The following GTF2F2 variants were observed in gnomAD, a reference collection of about 807,000 sequenced individuals.
GTF2F2 encodes the protein ATP-dependent helicase GTF2F2.
Under a neutral mutation model 42.2 loss-of-function variants are expected in GTF2F2, and 23 were observed. That is an observed-to-expected ratio of 0.55 (90% CI 0.39 to 0.77). GTF2F2 has a LOEUF of 0.77. Ranked by LOEUF, GTF2F2 falls within the 30% of genes least tolerant of loss-of-function variation. The pLI is 0.00. For synonymous variants in GTF2F2, 105 were observed against 100.8 expected, an observed-to-expected ratio of 1.04 and a Z score of -0.25; for missense variants, 261 against 287.2, an observed-to-expected ratio of 0.91 and a Z score of 0.66.
intron 4 of GTF2F2, chr13:45,194,596 T>A: frequency 6.3e-7 from 1 of 1,580,404 alleles, no homozygotes; most frequent in Non-Finnish European, 8.6e-7. Flanking sequence ...CAGCTTGTTC[T>A]TCTTGGCTTT....
rs529329059 is a variant in GTF2F2, at chr13:45,120,933, T to C, written c.66+212T>C. ...AAAGTGTCTTTCAGCCAGTTACTAC[T>C]CTGAATCTGCCTGGACTAGATCTCT... On this transcript the variant is annotated intron_variant, in intron 1 of 7. Coordinates refer to ENST00000340473, the MANE Select transcript of GTF2F2 (RefSeq NM_004128.3). Among the ~76,000 whole-genome samples the C allele has an allele frequency of 3.3e-5, 5 of 152,334 alleles. No homozygotes were observed. The South Asian group carries it at 8.3e-4, about 25-fold the overall frequency.
chr13:45,131,507 A>C (rs997981831), intron 1 of GTF2F2, among the ~76,000 whole-genome samples: 1 of 152,196 alleles, frequency 6.6e-6, no homozygotes, highest in African/African-American at 2.4e-5. Context: ...GTTTCAGTGG[A>C]GTGGCAGGGA....
chr13:45,193,028 A>G (rs981264444), intron 4 of GTF2F2: 1 of 152,200 alleles, frequency 6.6e-6, no homozygotes, highest in Non-Finnish European at 1.5e-5. Context: ...ATTTTATGCA[A>G]AATCATCAAG....
At position 45,120,524 on chromosome 13, in the gene GTF2F2, T is replaced by C. The variant is rs930621190; in HGVS notation, c.-132T>C. ...TTCCTCTTTTCCTCGGTTCCCAGTG[T>C]TCTGGCAGGTAAGGAACGCCGGCTC... On this transcript the variant is annotated 5_prime_UTR_variant, in exon 1 of 8. Transcript: ENST00000340473. The C allele has an allele frequency of 6.0e-6, 4 of 661,626 alleles. No individual in the cohort carries two copies. Among genetic ancestry groups the C allele is most frequent in the Non-Finnish European group, 1.1e-5 (4 of 370,000 alleles). The allele number at this position is 661,626 out of a possible 1,614,324, so 41.0% of individuals were successfully genotyped here. A position where few individuals can be genotyped will look rare whatever the true frequency, so the allele number is the denominator to read the frequency against.
At chr13:45,165,571 C>CA (rs1871252462) in intron 4 of GTF2F2, among the ~76,000 whole-genome samples, 1 of 150,496 alleles carries the variant, frequency 6.6e-6, no homozygotes, top group African/African-American at 2.5e-5. Context: ...GCCCTCGCCC[C>CA]CCCCCGCCGC....
At chr13:45,234,515 A>G (rs1485347505) in intron 5 of GTF2F2, among the ~76,000 whole-genome samples, 1 of 152,230 alleles carries the variant, frequency 6.6e-6, no homozygotes, top group Non-Finnish European at 1.5e-5. Flanking sequence ...ATATTTAGGA[A>G]AAAAACTGGC....
intron 2 of GTF2F2, among the ~76,000 whole-genome samples, chr13:45,147,242 T>G (rs1187124975): frequency 2.0e-5 from 3 of 152,232 alleles, no homozygotes; most frequent in Non-Finnish European, 4.4e-5. Flanking sequence ...TGACCTGCTA[T>G]GTATCTCTTC....
chr13:45,171,383 G>A (rs901742895), intron 4 of GTF2F2, among the ~76,000 whole-genome samples: 10 of 151,982 alleles, frequency 6.6e-5, no homozygotes, highest in Admixed American at 2.0e-4. Context: ...ACCATATCTT[G>A]ACTTTAATTC....
chr13:45,223,949 A>C (rs1874223294), intron 5 of GTF2F2, among the ~76,000 whole-genome samples: 1 of 152,232 alleles, frequency 6.6e-6, no homozygotes. Flanking sequence ...AACTCCTTTA[A>C]AAGTTTGTAA....
intron 7 of GTF2F2, among the ~76,000 whole-genome samples, chr13:45,267,759 T>G (rs2138265091): frequency 6.6e-6 from 1 of 152,094 alleles, no homozygotes; most frequent in Non-Finnish European, 1.5e-5. Flanking sequence ...AATTATACTG[T>G]TTTGTCATTG....
intron 5 of GTF2F2, among the ~76,000 whole-genome samples, chr13:45,237,437 A>G (rs1234752108): frequency 6.6e-6 from 1 of 152,180 alleles, no homozygotes; most frequent in Non-Finnish European, 1.5e-5. Flanking sequence ...TATTCAAATA[A>G]CTCCCATACA....
intron 5 of GTF2F2, among the ~76,000 whole-genome samples, chr13:45,239,548 T>C (rs1227052829): frequency 1.3e-5 from 2 of 152,240 alleles, no homozygotes; most frequent in African/African-American, 4.8e-5. Context: ...TATTTGACCT[T>C]ACTCAACACA....
At chr13:45,254,052 A>C (rs1417361006) in intron 6 of GTF2F2, among the ~76,000 whole-genome samples, 1 of 150,248 alleles carries the variant, frequency 6.7e-6, no homozygotes, top group Non-Finnish European at 1.5e-5. Context: ...ACAGAGTGAC[A>C]GAGCGAGACT....
At chr13:45,124,139 G>T (rs1017099232) in intron 1 of GTF2F2, 11 of 643,950 alleles carry the variant, frequency 1.7e-5, no homozygotes, top group Admixed American at 3.8e-5. Context: ...AGCATCTAAG[G>T]TGGCGCGATC....
chr13:45,260,355 A>G (rs1008240453), intron 6 of GTF2F2, among the ~76,000 whole-genome samples: 2 of 152,202 alleles, frequency 1.3e-5, no homozygotes, highest in African/African-American at 4.8e-5. Context: ...GTCCATTTGA[A>G]TTTGCACACA....
intron 4 of GTF2F2, among the ~76,000 whole-genome samples, chr13:45,178,425 CTTT>C (rs60059874): frequency 2.5e-5 from 3 of 122,058 alleles, no homozygotes; most frequent in Non-Finnish European, 3.6e-5. Flanking sequence ...CTGAGTTTGT[CTTT>C]TTTTTTTTTT....
At chr13:45,185,410 C>G (rs1321165287) in intron 4 of GTF2F2, among the ~76,000 whole-genome samples, 1 of 151,414 alleles carries the variant, frequency 6.6e-6, no homozygotes, top group East Asian at 1.9e-4. Flanking sequence ...GTTGTAACAC[C>G]AACTTATAAT....
At chr13:45,126,802 A>C (rs1249859338) in intron 1 of GTF2F2, among the ~76,000 whole-genome samples, 1 of 152,244 alleles carries the variant, frequency 6.6e-6, no homozygotes, top group Non-Finnish European at 1.5e-5. Context: ...GTGCATGTGA[A>C]TAGCAAGGGA....
chr13:45,209,512 A>G (rs1318617355), intron 5 of GTF2F2, among the ~76,000 whole-genome samples: 2 of 152,226 alleles, frequency 1.3e-5, no homozygotes, highest in East Asian at 1.9e-4. Context: ...AGATGATGAC[A>G]TAAGTCTTGA....
Sources: allele counts gnomAD v4.1 joint callset (sites outside exome capture counted in the v4.1 genomes callset), GRCh38; gene constraint gnomAD v4.1.1; transcripts MANE v1.5; gene names NCBI Gene and HGNC (gene_info 2026-07-23, HGNC 2026-07-21).